Variants in ADCY5 observed in about 807,000 individuals in gnomAD.
ADCY5 encodes the protein adenylate cyclase type 5.
In ADCY5, 30 loss-of-function variants were observed where a neutral mutation model predicts 119.7. The observed-to-expected ratio is 0.25, with a 90% confidence interval of 0.19 to 0.34. The LOEUF (loss-of-function observed/expected upper bound fraction) is 0.34, where lower values mean the gene tolerates loss of function less well. ADCY5 is among the 10% of genes least tolerant of loss of function. ADCY5 has a pLI of 1.00. For synonymous variants in ADCY5, 753 were observed against 762.2 expected (o/e 0.99, Z 0.20); for missense variants, 1,324 against 1,775.2 (o/e 0.75, Z 4.57).
intron 3 of ADCY5, among the ~76,000 whole-genome samples, chr3:123,340,990 T>C (rs984046102): frequency 5.3e-5 from 8 of 151,944 alleles, no homozygotes; most frequent in Admixed American, 2.6e-4. Flanking sequence ...CCAGGCATGG[T>C]GGTGTGCACC....
intron 12 of ADCY5, among the ~76,000 whole-genome samples, chr3:123,308,844 A>AC (rs1940379436): frequency 6.7e-6 from 1 of 149,910 alleles, no homozygotes; most frequent in Non-Finnish European, 1.5e-5. Flanking sequence ...CAAACAAACA[A>AC]AAAGAAAAAA....
chr3:123,424,255 T>C lies in ADCY5; in HGVS notation c.1134+23157A>G, dbSNP rs74545949. Among the ~76,000 whole-genome samples the C allele has an allele frequency of 6.3e-3, 966 of 152,340 alleles. 5 individuals carry two copies. The highest frequency in any genetic ancestry group is 0.011 in the Non-Finnish European group (744 of 68,030). Reference sequence around the variant, plus strand: ...CTCCGCTCAGGCCTGTGCCTTCTGATACCCTTTGCTCTCAGATGCTGAGAC... The same window carrying C: ...CTCCGCTCAGGCCTGTGCCTTCTGACACCCTTTGCTCTCAGATGCTGAGAC... On this transcript the variant is annotated intron_variant, in intron 1 of 20. Transcript: ENST00000462833.
intron 1 of ADCY5, among the ~76,000 whole-genome samples, chr3:123,401,831 G>A (rs1179762900): frequency 1.3e-5 from 2 of 152,174 alleles, no homozygotes; most frequent in Admixed American, 1.3e-4. Context: ...AACCCGGCCT[G>A]TCTCAGAAAG....
chr3:123,324,166 C>T (rs1235760428), intron 8 of ADCY5, among the ~76,000 whole-genome samples: 1 of 152,118 alleles, frequency 6.6e-6, no homozygotes, highest in Non-Finnish European at 1.5e-5. Flanking sequence ...CCCTCCTGTA[C>T]ATTTTCCTTA....
rs1942987349 is a variant in ADCY5 at position 123,355,055 on chromosome 3, T to C, written c.1135-2474A>G. On this transcript the variant is annotated intron_variant, in intron 1 of 20. Transcript: ENST00000462833. ...CTCTAAGACCAGCAGCAAAGCCAGG[T>C]TGTTCCCTCTCGTCACTCCTATTCA... 2.0e-5 allele frequency among the ~76,000 whole-genome samples: 3 copies of C among 152,170 alleles called. No homozygotes were observed. In the South Asian group the frequency reaches 6.2e-4, roughly 32 times the overall value.
chr3:123,424,769 C>CGCAT (rs1462510032), intron 1 of ADCY5, among the ~76,000 whole-genome samples: 2 of 152,114 alleles, frequency 1.3e-5, no homozygotes, highest in African/African-American at 4.8e-5. Flanking sequence ...TGTGTGTGCG[C>CGCAT]GCATGCACGC....
rs748318209 is a variant in ADCY5 at position 123,303,136 on chromosome 3, C to T, written c.2643G>A (p.Val881=). The change falls in exon 14 of 21, where the codon GTG becomes GTA. Residue 881 remains valine (V), a synonymous_variant. Transcript: ENST00000462833. The part of the protein sequence containing the change: ...ISASQVNACH[V]AESAVNYSLG... ...GGCTGTAGTTGACGGCCGACTCCGC[C>T]ACGTGACACGCGTTGACCTGGCTCG... The T allele has an allele frequency of 1.3e-5, 21 of 1,613,760 alleles. No homozygotes were observed. The East Asian group carries it at 4.7e-4, about 36-fold the overall frequency.
At chr3:123,309,815 C>A (rs1192444500) in intron 12 of ADCY5, among the ~76,000 whole-genome samples, 1 of 152,018 alleles carries the variant, frequency 6.6e-6, no homozygotes, top group East Asian at 1.9e-4. Flanking sequence ...GGATGGAAGA[C>A]ACCTAGGAGG....
intron 1 of ADCY5, among the ~76,000 whole-genome samples, chr3:123,359,231 G>T (rs1943150528): frequency 6.6e-6 from 1 of 150,726 alleles, no homozygotes; most frequent in African/African-American, 2.5e-5. Context: ...GATGGGGGAG[G>T]GAGCAGGATG....
At chr3:123,342,138 G>A in intron 3 of ADCY5, among the ~76,000 whole-genome samples, 1 of 152,192 alleles carries the variant, frequency 6.6e-6, no homozygotes, top group East Asian at 1.9e-4. Context: ...GGGAATGCAG[G>A]ATGTTCACGG....
At chr3:123,367,999 A>T in intron 1 of ADCY5, 1 of 1,507,622 alleles carries the variant, frequency 6.6e-7, no homozygotes, top group Non-Finnish European at 8.8e-7. Context: ...GTGGGGATGG[A>T]GGGGACCATG....
At chr3:123,321,599 G>A (rs1941222449) in intron 8 of ADCY5, among the ~76,000 whole-genome samples, 1 of 152,186 alleles carries the variant, frequency 6.6e-6, no homozygotes, top group African/African-American at 2.4e-5. Flanking sequence ...GTTTAGATTA[G>A]CCTCAGGATG....
chr3:123,367,986 C>T (rs1943508050), intron 1 of ADCY5: 2 of 1,516,016 alleles, frequency 1.3e-6, no homozygotes, highest in Non-Finnish European at 1.8e-6. Context: ...CACAGGCTGC[C>T]CTGTGGGGAT....
intron 1 of ADCY5, among the ~76,000 whole-genome samples, chr3:123,398,461 A>G (rs142509758): frequency 1.7e-3 from 259 of 152,040 alleles, no homozygotes; most frequent in African/African-American, 5.9e-3. Flanking sequence ...ATGTCTGACC[A>G]TTTATGATCA....
intron 8 of ADCY5, among the ~76,000 whole-genome samples, chr3:123,321,213 A>G (rs1408865714): frequency 6.6e-6 from 1 of 152,324 alleles, no homozygotes; most frequent in East Asian, 1.9e-4. Context: ...CTCCTTGTGT[A>G]CATCACACCG....
intron 15 of ADCY5, among the ~76,000 whole-genome samples, chr3:123,298,931 T>C (rs1188799438): frequency 6.6e-6 from 1 of 150,568 alleles, no homozygotes; most frequent in Admixed American, 6.7e-5. Context: ...CTTACTACTA[T>C]GGGCGTTGAT....
intron 8 of ADCY5, among the ~76,000 whole-genome samples, chr3:123,322,379 G>A (rs1484700642): frequency 6.6e-6 from 1 of 152,228 alleles, no homozygotes; most frequent in Non-Finnish European, 1.5e-5. Flanking sequence ...TGAGGCTGGT[G>A]CATGGGACCC....
intron 1 of ADCY5, among the ~76,000 whole-genome samples, chr3:123,384,938 G>A (rs1300281937): frequency 1.3e-5 from 2 of 152,120 alleles, no homozygotes; most frequent in African/African-American, 4.8e-5. Context: ...CAGTCTCCTT[G>A]AAGTCCCTGG....
At chr3:123,410,485 G>A (rs1945016918) in intron 1 of ADCY5, among the ~76,000 whole-genome samples, 2 of 152,092 alleles carry the variant, frequency 1.3e-5, no homozygotes, top group Admixed American at 1.3e-4. Context: ...CAACACCCTT[G>A]GCCACATCCT....
Sources: allele counts gnomAD v4.1 joint callset (sites outside exome capture counted in the v4.1 genomes callset), GRCh38; gene constraint gnomAD v4.1.1; transcripts MANE v1.5; gene names NCBI Gene and HGNC (gene_info 2026-07-23, HGNC 2026-07-21).